The following WNK2 variants were observed in gnomAD, a reference collection of about 807,000 sequenced individuals.
WNK2 encodes the protein WNK lysine deficient protein kinase 2.
A neutral mutation model predicts 192.1 loss-of-function variants in WNK2; 67 were observed. The observed-to-expected ratio is 0.35, with a 90% CI of 0.29 to 0.43. The LOEUF (loss-of-function observed/expected upper bound fraction) is 0.43, where lower values mean the gene tolerates loss of function less well. Among genes scored for constraint, WNK2 ranks in the 20% least tolerant of loss-of-function variants. WNK2 has a pLI of 1.00. For synonymous variants in WNK2, 1,439 were observed against 1,393.9 expected (o/e 1.03, Z -0.72); for missense variants, 2,698 against 3,089.7 (o/e 0.87, Z 3.01).
chr9:93,252,732 C>T, intron 8 of WNK2, 151 bp from the exon 9 acceptor site: 1 of 678,718 alleles, frequency 1.5e-6, no homozygotes, highest in Non-Finnish European at 2.2e-6. Flanking sequence ...GGTTCTGTAG[C>T]AGCCAATTGT....
intron 21 of WNK2, 22 bp downstream of exon 21, chr9:93,290,069 C>G (rs1433681247): frequency 6.4e-6 from 10 of 1,553,852 alleles, no homozygotes; most frequent in African/African-American, 1.4e-5. Flanking sequence ...CTGCTGAACC[C>G]TGCGTTCACA....
At chr9:93,211,728 TACTCATCCAGTC>T (rs1347241146) in intron 2 of WNK2, among the ~76,000 whole-genome samples, 4 of 151,050 alleles carry the variant, frequency 2.6e-5, no homozygotes, top group Admixed American at 1.3e-4. Flanking sequence ...CTCATTCACT[TACTCATCCAGTC>T]ACTCATACAT....
At chr9:93,285,672 A>G (rs1223123832) in intron 19 of WNK2, among the ~76,000 whole-genome samples, 1 of 152,242 alleles carries the variant, frequency 6.6e-6, no homozygotes, top group East Asian at 1.9e-4. Context: ...AGATTCTAAC[A>G]ATTTCTAAAT....
At chr9:93,195,052 A>G (rs1830996964) in intron 2 of WNK2, among the ~76,000 whole-genome samples, 1 of 151,690 alleles carries the variant, frequency 6.6e-6, no homozygotes, top group African/African-American at 2.4e-5. Context: ...AGTGGTTGCC[A>G]GGGATTAGAG....
Position 93,214,292 on chromosome 9 carries a change from T to A in WNK2, c.682-15404T>A, listed in dbSNP as rs187966979. Among the ~76,000 whole-genome samples, 1,046 of 151,632 alleles carry A rather than the reference T, an allele frequency of 6.9e-3. 13 individuals are homozygous for A. Among genetic ancestry groups the A allele is most frequent in the African/African-American group, 0.023 (941 of 41,522 alleles). Reference sequence around the variant, plus strand: ...TTCATCATCACTTTATTATTTTTTATTTTTATATATTTATTTATTTATTTA... The same window carrying A: ...TTCATCATCACTTTATTATTTTTTAATTTTATATATTTATTTATTTATTTA... On this transcript the variant is annotated intron_variant, in intron 2 of 29. Coordinates refer to ENST00000427277, the MANE Select transcript of WNK2 (RefSeq NM_006648.4).
At chr9:93,202,325 C>CGTGTGTGTGT (rs761769543) in intron 2 of WNK2, among the ~76,000 whole-genome samples, 4,794 of 130,524 alleles carry the variant, frequency 0.037, 129 homozygotes, top group Middle Eastern at 0.092. Context: ...TCCGTGTGCA[C>CGTGTGTGTGT]GTGTGTGTGT....
intron 2 of WNK2, among the ~76,000 whole-genome samples, chr9:93,191,757 G>A (rs888507421): frequency 6.6e-6 from 1 of 152,132 alleles, no homozygotes; most frequent in African/African-American, 2.4e-5. Flanking sequence ...GTCCAGGCAT[G>A]GTGACTCACG....
At chr9:93,250,108 A>G (rs1219299170) in intron 8 of WNK2, among the ~76,000 whole-genome samples, 1 of 151,810 alleles carries the variant, frequency 6.6e-6, no homozygotes, top group Non-Finnish European at 1.5e-5. Flanking sequence ...AAAAATAATA[A>G]TACAAAACAA....
intron 9 of WNK2, among the ~76,000 whole-genome samples, chr9:93,256,001 G>A (rs1325126275): frequency 1.3e-5 from 2 of 152,118 alleles, no homozygotes; most frequent in African/African-American, 2.4e-5. Context: ...TAATGTCCTC[G>A]GGAGCCTTTC....
At chr9:93,308,618 G>T (rs1183221730) in intron 28 of WNK2, 34 bp downstream of exon 28, 1 of 1,516,702 alleles carries the variant, frequency 6.6e-7, no homozygotes, top group African/African-American at 1.4e-5. Context: ...GGTGCTCCTG[G>T]GGTGGGGTAG....
At chr9:93,296,676 CA>C (rs1850553055) in intron 23 of WNK2, among the ~76,000 whole-genome samples, 1 of 90,130 alleles carries the variant, frequency 1.1e-5, no homozygotes, top group Non-Finnish European at 2.3e-5. Flanking sequence ...ATCCTCCCCT[CA>C]TCCTCCTCCC....
At chr9:93,230,776 G>C in intron 3 of WNK2, 112 bp from the exon 4 acceptor site, 1 of 960,228 alleles carries the variant, frequency 1.0e-6, no homozygotes, top group Non-Finnish European at 1.5e-6. Flanking sequence ...GGTATGTGCC[G>C]TGTGCACGGG....
intron 2 of WNK2, among the ~76,000 whole-genome samples, chr9:93,207,782 C>A (rs1420086133): frequency 6.6e-6 from 1 of 152,168 alleles, no homozygotes; most frequent in East Asian, 1.9e-4. Flanking sequence ...CCTCTCCAGG[C>A]GCTGTTTTTA....
chr9:93,306,888 A>T, intron 27 of WNK2, 67 bp downstream of exon 27: 1 of 1,608,968 alleles, frequency 6.2e-7, no homozygotes, highest in Non-Finnish European at 8.5e-7. Flanking sequence ...GCTAGCGCAC[A>T]TCAGGGTTCC....
intron 2 of WNK2, among the ~76,000 whole-genome samples, chr9:93,211,890 AT>A (rs1834846285): frequency 7.2e-6 from 1 of 138,158 alleles, no homozygotes; most frequent in Admixed American, 6.9e-5. Context: ...ACACTCACAC[AT>A]TTACTCATTC....
chr9:93,232,475 T>G (rs1018766799), intron 4 of WNK2, among the ~76,000 whole-genome samples: 1 of 152,190 alleles, frequency 6.6e-6, no homozygotes, highest in Non-Finnish European at 1.5e-5. Flanking sequence ...GTGCACTTTC[T>G]GGGCAGATTT....
intron 16 of WNK2, among the ~76,000 whole-genome samples, chr9:93,266,159 G>A (rs1845133940): frequency 1.3e-5 from 2 of 152,206 alleles, no homozygotes; most frequent in Admixed American, 1.3e-4. Flanking sequence ...AAGGGTGGGT[G>A]TGTGGCCTGT....
chr9:93,207,923 T>C (rs1323619639), intron 2 of WNK2, among the ~76,000 whole-genome samples: 3 of 152,362 alleles, frequency 2.0e-5, no homozygotes, highest in Non-Finnish European at 4.4e-5. Context: ...CTGTGGACTT[T>C]AGGGGGACAG....
At position 93,293,160 on chromosome 9, in the gene WNK2, A is replaced by T. The variant is rs746744645; in HGVS notation, c.5695A>T (p.Ser1899Cys). 2.6e-6 allele frequency: 4 copies of T among 1,516,060 alleles called. No homozygotes were observed. Among genetic ancestry groups the T allele is most frequent in the African/African-American group, 1.4e-5 (1 of 72,122 alleles). 93.9% of individuals were successfully genotyped at this position (1,516,060 alleles called of 1,614,324 possible). A position where few individuals can be genotyped will look rare whatever the true frequency, so the allele number is the denominator to read the frequency against. Residue 1899 changes from serine to cysteine, a missense_variant, in exon 23 of 30, where the codon AGT becomes TGT. This residue lies in a region of WNK2 where 1,098 missense variants were observed against 1,101.0 expected (regional missense o/e 1.00). Transcript: ENST00000427277. ...EDADIKKELQ[S>C]LREKHLKEIS... is the part of the protein sequence containing the mutation. ...TGCTGACATAAAGAAGGAGCTGCAG[A>T]GTCTGCGGGAGAAGTAGGTCCTGCG...
Sources: gnomAD v4.1 joint callset for allele counts (sites outside exome capture counted in the v4.1 genomes callset) on GRCh38, gnomAD v4.1.1 for gene constraint, gnomAD v4.1.1 regional missense constraint, MANE v1.5 for transcripts, NCBI Gene and HGNC (gene_info 2026-07-23, HGNC 2026-07-21) for gene names.